MED27: variants seen among roughly 807,000 people sequenced by gnomAD.
MED27 encodes the protein mediator of RNA polymerase II transcription subunit 27.
A neutral mutation model predicts 38.2 loss-of-function variants in MED27; 30 were observed. That is an observed-to-expected ratio of 0.79 (90% CI 0.59 to 1.07). The LOEUF (loss-of-function observed/expected upper bound fraction) is 1.07. Among genes scored for constraint, MED27 ranks in the 50% least tolerant of loss-of-function variants. The pLI, the probability that MED27 is intolerant of heterozygous loss-of-function variation, is 0.00. For synonymous variants in MED27, 122 were observed against 153.5 expected (o/e 0.79, Z 1.52); for missense variants, 289 against 397.5 (o/e 0.73, Z 2.32).
At chr9:131,989,200 CATT>C (rs1312580107) in intron 3 of MED27, among the ~76,000 whole-genome samples, 1 of 152,126 alleles carries the variant, frequency 6.6e-6, no homozygotes, top group Non-Finnish European at 1.5e-5. Flanking sequence ...AGGATTATAG[CATT>C]ATATAAGTGG....
At chr9:131,946,584 G>T (rs962809078) in intron 3 of MED27, among the ~76,000 whole-genome samples, 3 of 152,076 alleles carry the variant, frequency 2.0e-5, no homozygotes, top group African/African-American at 7.2e-5. Context: ...ATAAGTAAAG[G>T]GCTCCCTACT....
chr9:131,996,618 C>T (rs905654194), intron 3 of MED27, among the ~76,000 whole-genome samples: 12 of 152,156 alleles, frequency 7.9e-5, no homozygotes, highest in African/African-American at 2.7e-4. Context: ...GACAGGGAGA[C>T]GCAGTGATAC....
chr9:132,032,510 T>G (rs1215314099), intron 2 of MED27, among the ~76,000 whole-genome samples: 1 of 152,248 alleles, frequency 6.6e-6, no homozygotes, highest in African/African-American at 2.4e-5. Flanking sequence ...GCCAAAGAAC[T>G]GTCTCTTTTC....
intron 2 of MED27, among the ~76,000 whole-genome samples, chr9:132,029,888 A>G (rs1056403657): frequency 6.6e-6 from 1 of 151,728 alleles, no homozygotes; most frequent in African/African-American, 2.4e-5. Context: ...GGGGGAGGGG[A>G]GCAGAGCATG....
chr9:132,038,311 C>T (rs916223372), intron 2 of MED27, among the ~76,000 whole-genome samples: 1 of 150,510 alleles, frequency 6.6e-6, no homozygotes, highest in Non-Finnish European at 1.5e-5. Context: ...CCTGCCTCAG[C>T]CTCCCAAGTA....
At chr9:131,907,778 C>T (rs1215559564) in intron 4 of MED27, among the ~76,000 whole-genome samples, 1 of 151,014 alleles carries the variant, frequency 6.6e-6, no homozygotes, top group Non-Finnish European at 1.5e-5. Context: ...TTGAGGAGCG[C>T]CTCTTCCCGG....
At chr9:131,888,353 C>T (rs1309412986) in intron 5 of MED27, among the ~76,000 whole-genome samples, 1 of 152,188 alleles carries the variant, frequency 6.6e-6, no homozygotes, top group East Asian at 1.9e-4. Context: ...GAATTTGAAA[C>T]CAGGTCTGTG....
chr9:132,041,991 T>C (rs1383613001), intron 2 of MED27, among the ~76,000 whole-genome samples: 2 of 152,214 alleles, frequency 1.3e-5, no homozygotes, highest in South Asian at 2.1e-4. Context: ...AACAGGACCA[T>C]CTGTTGTTAG....
rs1370221051 is a variant in MED27, at chr9:132,003,549, A to G, written c.479+10788T>C. On this transcript the variant is annotated intron_variant, in intron 3 of 7. Transcript: ENST00000292035. The surrounding 1 kb of genome is among the most constrained non-coding windows in gnomAD (Gnocchi z 4.2). ...AGCAAGGCTAGACGGGGAGGCAGGG[A>G]TAGGTGGGATGGGGTGGCAGGGCTC... Among the ~76,000 whole-genome samples the G allele has an allele frequency of 1.3e-5, 2 of 152,078 alleles. No individual in the cohort carries two copies. Among genetic ancestry groups the G allele is most frequent in the Non-Finnish European group, 2.9e-5 (2 of 68,002 alleles).
chr9:131,910,279 G>A (rs978027001), intron 4 of MED27, among the ~76,000 whole-genome samples: 14 of 152,108 alleles, frequency 9.2e-5, no homozygotes, highest in Admixed American at 7.9e-4. Flanking sequence ...AATGTATTAT[G>A]TATTACTATT....
At chr9:131,986,724 C>G (rs1210222432) in intron 3 of MED27, among the ~76,000 whole-genome samples, 3 of 152,158 alleles carry the variant, frequency 2.0e-5, no homozygotes, top group Non-Finnish European at 2.9e-5. Flanking sequence ...CCTAATGATG[C>G]ATGACTGTAT....
intron 2 of MED27, among the ~76,000 whole-genome samples, chr9:132,015,326 G>A (rs1564325663): frequency 6.6e-6 from 1 of 152,198 alleles, no homozygotes; most frequent in African/African-American, 2.4e-5. Flanking sequence ...CTTTAAATGT[G>A]TCTGGTGCCA....
chr9:131,863,584 C>T (rs1476401259), intron 6 of MED27, among the ~76,000 whole-genome samples: 1 of 152,244 alleles, frequency 6.6e-6, no homozygotes, highest in Non-Finnish European at 1.5e-5. Context: ...CAATTGGTCT[C>T]TTTCCATTTC....
At chr9:131,923,631 T>C (rs1407260326) in intron 4 of MED27, among the ~76,000 whole-genome samples, 1 of 152,188 alleles carries the variant, frequency 6.6e-6, no homozygotes. Flanking sequence ...ATGTGAAACA[T>C]TCACATGTTC....
intron 3 of MED27, among the ~76,000 whole-genome samples, chr9:131,958,481 C>T (rs1454929555): frequency 6.6e-6 from 1 of 152,096 alleles, no homozygotes; most frequent in East Asian, 1.9e-4. Context: ...CTCCTGACTT[C>T]GTGATCCACC....
intron 1 of MED27, 47 bp downstream of exon 1, chr9:132,079,595 C>A: frequency 6.3e-7 from 1 of 1,587,022 alleles, no homozygotes. Flanking sequence ...GGGGCAGGGT[C>A]GGAGCGGGGC....
intron 6 of MED27, among the ~76,000 whole-genome samples, chr9:131,864,770 C>T (rs780830361): frequency 6.6e-6 from 1 of 152,246 alleles, no homozygotes; most frequent in African/African-American, 2.4e-5. Context: ...AGCCGGGGCC[C>T]GGCCCCTGGC....
intron 3 of MED27, among the ~76,000 whole-genome samples, chr9:131,996,975 T>C (rs901811203): frequency 6.6e-6 from 1 of 152,252 alleles, no homozygotes; most frequent in Non-Finnish European, 1.5e-5. Flanking sequence ...AGGCTATTAG[T>C]AGTTAAGCTT....
At chr9:131,996,692 A>G (rs138120586) in intron 3 of MED27, among the ~76,000 whole-genome samples, 1 of 152,332 alleles carries the variant, frequency 6.6e-6, no homozygotes, top group Non-Finnish European at 1.5e-5. Context: ...TTTGAACCAC[A>G]CAGGTCCACT....
Sources: allele counts gnomAD v4.1 joint callset (sites outside exome capture counted in the v4.1 genomes callset), GRCh38; gene constraint gnomAD v4.1.1; non-coding constraint Gnocchi (gnomAD v3.1); transcripts MANE v1.5; gene names NCBI Gene and HGNC (gene_info 2026-07-23, HGNC 2026-07-21).